Variants in KLHL5 observed in about 807,000 individuals in gnomAD.
KLHL5 encodes the protein kelch like family member 5, also known as kelch-like protein 5.
In KLHL5, 48 loss-of-function variants were observed where a neutral mutation model predicts 77.7. That is an observed-to-expected ratio of 0.62 (90% CI 0.49 to 0.79). The LOEUF is 0.79. KLHL5 is among the 30% of genes least tolerant of loss of function. The pLI, the probability that KLHL5 is intolerant of heterozygous loss-of-function variation, is 0.00. For synonymous variants in KLHL5, 260 were observed against 297.0 expected, an observed-to-expected ratio of 0.88 and a Z score of 1.28; for missense variants, 723 against 859.7, an observed-to-expected ratio of 0.84 and a Z score of 1.99.
In KLHL5 at chr4:39,125,925, CTT is replaced by C. The variant is rs1456995203; in HGVS notation, c.*4860_*4861del. 6.6e-6 allele frequency among the ~76,000 whole-genome samples: 1 copy of C among 152,126 alleles called. No homozygotes were observed. Among genetic ancestry groups the C allele is most frequent in the Non-Finnish European group, 1.5e-5 (1 of 68,026 alleles). ...TCTGTACGCTTCACTAGGATAAAAACTTCGGATTTATATGCATCTGGAAGAGA... is the reference window on the plus strand; with the variant it reads ...TCTGTACGCTTCACTAGGATAAAAACCGGATTTATATGCATCTGGAAGAGA... On this transcript the variant is annotated 3_prime_UTR_variant, in exon 11 of 11. Coordinates refer to ENST00000504108, the MANE Select transcript of KLHL5 (RefSeq NM_015990.5).
At chr4:39,095,049 C>G (rs6820503) in intron 5 of KLHL5, among the ~76,000 whole-genome samples, 3,728 of 151,732 alleles carry the variant, frequency 0.025, 145 homozygotes, top group African/African-American at 0.085. Context: ...TATGAAACAA[C>G]CTTAATAGAC....
chr4:39,133,525 G>A, the KLHL5 span, among the ~76,000 whole-genome samples: 132 of 150,460 alleles, frequency 8.8e-4, no homozygotes, highest in Non-Finnish European at 1.6e-3. Context: ...TTGAGGCCAG[G>A]AGTTCAAAAC....
intron 6 of KLHL5, among the ~76,000 whole-genome samples, chr4:39,097,432 A>G (rs1054566279): frequency 1.3e-5 from 2 of 152,240 alleles, no homozygotes; most frequent in African/African-American, 4.8e-5. Context: ...GTGTATTTAC[A>G]GTAGAAAAAC....
In KLHL5 at chr4:39,115,273, A is replaced by T. The variant is rs377475503; in HGVS notation, c.2016A>T (p.Gly672=). Reference sequence around the variant, plus strand: ...TATATGCTGTTGGGGGGTATGATGGACAGGCATACCTTAATACTGTGGAGG... The same window carrying T: ...TATATGCTGTTGGGGGGTATGATGGTCAGGCATACCTTAATACTGTGGAGG... The part of the protein sequence containing the change: ...DKLYAVGGYD[G]QAYLNTVEAY... Residue 672 remains glycine (G), a synonymous_variant, in exon 10 of 11, where the codon GGA becomes GGT. Coordinates refer to ENST00000504108, the MANE Select transcript of KLHL5 (RefSeq NM_015990.5). 2 of 1,614,002 alleles carry T rather than the reference A, an allele frequency of 1.2e-6. No homozygotes were observed.
intron 5 of KLHL5, among the ~76,000 whole-genome samples, chr4:39,093,693 G>C (rs1261247229): frequency 6.6e-6 from 1 of 152,074 alleles, no homozygotes; most frequent in Non-Finnish European, 1.5e-5. Context: ...ATCACTTGAG[G>C]TCAGGAGCTC....
chr4:39,046,254 A>T (rs1430364), intron 1 of KLHL5, among the ~76,000 whole-genome samples: 111,263 of 151,998 alleles, frequency 0.73, 40,861 homozygotes, highest in East Asian at 0.82. Flanking sequence ...ATTTGAAGCA[A>T]TCTAGCGACC....
At chr4:39,061,178 T>C (rs1202493520), upstream of KLHL5, among the ~76,000 whole-genome samples, 1 of 152,224 alleles carries the variant, frequency 6.6e-6, no homozygotes, top group Non-Finnish European at 1.5e-5. Flanking sequence ...TTATTTAGCA[T>C]GAAATCATAC....
chr4:39,057,697 A>G (rs1717099013), upstream of KLHL5, among the ~76,000 whole-genome samples: 1 of 152,192 alleles, frequency 6.6e-6, no homozygotes, highest in African/African-American at 2.4e-5. Flanking sequence ...CAGAGAGGTG[A>G]GAGCTGCTGG....
At position 39,077,149 on chromosome 4, in the gene KLHL5, T is replaced by C. The variant is rs187906212; in HGVS notation, c.566+1002T>C. Among the ~76,000 whole-genome samples, 141 of 151,632 alleles carry C rather than the reference T, an allele frequency of 9.3e-4. 1 individual carries two copies. The highest frequency in any genetic ancestry group is 3.1e-3 in the African/African-American group (130 of 41,350). On this transcript the variant is annotated intron_variant, in intron 2 of 10. Coordinates refer to ENST00000504108, the MANE Select transcript of KLHL5 (RefSeq NM_015990.5). ...TAGTTCTCAAAAGAAGATCTACAAA[T>C]GGCCAACAAGCATATGAAAACATAT...
At chr4:39,109,148 T>C (rs1453990015) in intron 8 of KLHL5, among the ~76,000 whole-genome samples, 1 of 152,202 alleles carries the variant, frequency 6.6e-6, no homozygotes, top group Non-Finnish European at 1.5e-5. Context: ...GTAGAAAGTA[T>C]GCGGTTGGTT....
chr4:39,051,559 A>G (rs1411887529), intron 1 of KLHL5, among the ~76,000 whole-genome samples: 1 of 152,202 alleles, frequency 6.6e-6, no homozygotes, highest in African/African-American at 2.4e-5. Context: ...GACAGGAATC[A>G]TAGTTTGCCA....
intron 1 of KLHL5, chr4:39,063,634 T>A (rs1458031540): frequency 4.7e-6 from 2 of 426,368 alleles, no homozygotes; most frequent in African/African-American, 4.0e-5. Context: ...TACTAATTCC[T>A]GTTACCTTCA....
chr4:39,101,058 G>T (rs1205488668), intron 6 of KLHL5, among the ~76,000 whole-genome samples: 1 of 145,522 alleles, frequency 6.9e-6, no homozygotes, highest in African/African-American at 2.6e-5. Context: ...TATAAATTAG[G>T]GAAGTCCCAA....
chr4:39,109,131 G>C (rs963583923), intron 8 of KLHL5, among the ~76,000 whole-genome samples: 4 of 151,956 alleles, frequency 2.6e-5, no homozygotes, highest in African/African-American at 9.7e-5. Context: ...TAAAGAATCT[G>C]GAGTAAGTAG....
At chr4:39,073,828 AT>A (rs200318552) in intron 1 of KLHL5, among the ~76,000 whole-genome samples, 4,916 of 146,262 alleles carry the variant, frequency 0.034, 250 homozygotes, top group African/African-American at 0.11. Context: ...TTTTATTTTT[AT>A]TTTTTTTTTT....
At chr4:39,098,233 T>A (rs1721242799) in intron 6 of KLHL5, among the ~76,000 whole-genome samples, 1 of 152,008 alleles carries the variant, frequency 6.6e-6, no homozygotes, top group African/African-American at 2.4e-5. Flanking sequence ...ATTAGGGGTA[T>A]AATGCCATCA....
At chr4:39,133,411 A>AT in the KLHL5 span, among the ~76,000 whole-genome samples, 2 of 152,002 alleles carry the variant, frequency 1.3e-5, no homozygotes, top group East Asian at 3.9e-4. Context: ...TAAAAATGTG[A>AT]TAAGTATTAT....
chr4:39,137,300 C>T, the KLHL5 span, among the ~76,000 whole-genome samples: 1 of 150,402 alleles, frequency 6.6e-6, no homozygotes, highest in African/African-American at 2.4e-5. Context: ...CTGAGAATAG[C>T]AATAAACACA....
chr4:39,083,499 A>T (rs1046494213), intron 4 of KLHL5, among the ~76,000 whole-genome samples: 20 of 152,184 alleles, frequency 1.3e-4, no homozygotes, highest in Non-Finnish European at 2.8e-4. Context: ...TCTCAACTGA[A>T]AAAATAAAGA....
Sources: allele counts gnomAD v4.1 joint callset (sites outside exome capture counted in the v4.1 genomes callset), GRCh38; gene constraint gnomAD v4.1.1; transcripts MANE v1.5; gene names NCBI Gene and HGNC (gene_info 2026-07-23, HGNC 2026-07-21).